The following NFIB variants were observed in gnomAD, a reference collection of about 807,000 sequenced individuals.
The protein encoded by NFIB is nuclear factor I B, also known as nuclear factor 1 B-type.
NFIB carries 11 observed loss-of-function variants against 61.5 expected under a neutral mutation model. The observed-to-expected ratio is 0.18, with a 90% CI of 0.11 to 0.30. The LOEUF (loss-of-function observed/expected upper bound fraction) is 0.30, where lower values mean the gene tolerates loss of function less well. Among genes scored for constraint, NFIB ranks in the 10% least tolerant of loss-of-function variants. The probability of loss-of-function intolerance (pLI) is 1.00; values close to 1 mark genes in which losing one functional copy is unlikely to be tolerated. For synonymous variants in NFIB, 260 were observed against 216.5 expected (o/e 1.20, Z -1.76); for missense variants, 471 against 608.9 (o/e 0.77, Z 2.38).
intron 2 of NFIB, among the ~76,000 whole-genome samples, chr9:14,227,953 T>A (rs1242931251): frequency 6.6e-6 from 1 of 152,230 alleles, no homozygotes; most frequent in African/African-American, 2.4e-5. Flanking sequence ...TTTATTTTTA[T>A]ATACTTCAAC....
chr9:14,521,360 C>T, the NFIB span, among the ~76,000 whole-genome samples: 2 of 152,054 alleles, frequency 1.3e-5, no homozygotes, highest in Non-Finnish European at 2.9e-5. Context: ...GTTCAGAAGT[C>T]CTTTGATGTC....
chr9:14,319,322 C>G (rs559168783), intron 1 of NFIB, among the ~76,000 whole-genome samples: 1 of 152,306 alleles, frequency 6.6e-6, no homozygotes, highest in South Asian at 2.1e-4. Flanking sequence ...CACTTCTCAA[C>G]AGAGATGAGG....
At chr9:14,150,902 A>G (rs1044727004) in intron 4 of NFIB, among the ~76,000 whole-genome samples, 30 of 152,234 alleles carry the variant, frequency 2.0e-4, no homozygotes, top group African/African-American at 6.7e-4. Context: ...ATTATTATGC[A>G]TTGTATGTCT....
the NFIB span, among the ~76,000 whole-genome samples, chr9:14,464,431 A>G: frequency 6.6e-6 from 1 of 152,154 alleles, no homozygotes; most frequent in Non-Finnish European, 1.5e-5. Context: ...GACGGTGCAC[A>G]TTTTCAACAT....
Position 14,219,381 on chromosome 9 carries a change from TAAA to T in NFIB, c.563-39604_563-39602del, listed in dbSNP as rs751279935. 3.2e-3 allele frequency among the ~76,000 whole-genome samples: 237 copies of T among 73,512 alleles called. 2 individuals carry two copies. Among genetic ancestry groups the T allele is most frequent in the African/African-American group, 7.5e-3 (135 of 18,000 alleles). 48.2% of individuals were successfully genotyped at this position (73,512 alleles called of 152,430 possible). On this transcript the variant is annotated intron_variant, in intron 2 of 10. Transcript: ENST00000380953. ...ATAGAGTCATCTTGTAGCACTAGGG[TAAA>T]AAAAAAAAAAAAAAAAAAAAGTCTA...
chr9:14,103,763 G>T (rs1283490325), intron 10 of NFIB, among the ~76,000 whole-genome samples: 1 of 151,906 alleles, frequency 6.6e-6, no homozygotes, highest in East Asian at 1.9e-4. Flanking sequence ...CATATTTCAG[G>T]ATTTCAAGTA....
At chr9:14,208,677 A>C (rs1318577369) in intron 2 of NFIB, among the ~76,000 whole-genome samples, 5 of 152,116 alleles carry the variant, frequency 3.3e-5, no homozygotes, top group Non-Finnish European at 7.3e-5. Flanking sequence ...ACATCCTGGA[A>C]GTTTCCCTCA....
At position 14,341,465 on chromosome 9, in the gene NFIB, A is replaced by G. The variant is rs144339476; in HGVS notation, c.109-33945T>C. Among the ~76,000 whole-genome samples, 129 of 152,318 alleles carry G rather than the reference A, an allele frequency of 8.5e-4. No homozygotes were observed. In the East Asian group the frequency reaches 0.018, roughly 22 times the overall value. On this transcript the variant is annotated intron_variant, in intron 1 of 8. Transcript: ENST00000380934. ...ATGTCATAAGTAGCAGAGGCCCTCA[A>G]TGAAAACAGGTAGGTAGTAAGACAA... is the stretch of plus-strand genomic sequence containing the variant.
chr9:14,161,794 C>T (rs1349880239), intron 3 of NFIB, among the ~76,000 whole-genome samples: 1 of 152,024 alleles, frequency 6.6e-6, no homozygotes, highest in Non-Finnish European at 1.5e-5. Flanking sequence ...CTGGAGTTCC[C>T]AGAATTAGAA....
chr9:14,343,883 A>G (rs898486736), intron 1 of NFIB, among the ~76,000 whole-genome samples: 1 of 151,988 alleles, frequency 6.6e-6, no homozygotes, highest in Non-Finnish European at 1.5e-5. Context: ...AAAGAACTGA[A>G]CATGAAGAAT....
At chr9:14,344,093 GGAGAGAGAGAGAGAAAGAGA>G (rs1030519123) in intron 1 of NFIB, among the ~76,000 whole-genome samples, 8 of 134,010 alleles carry the variant, frequency 6.0e-5, no homozygotes, top group Non-Finnish European at 9.3e-5. Context: ...TTAAAGAGAG[GGAGAGAGAGAGAGAAAGAGA>G]GAGAGAGAGA....
chr9:14,361,853 C>T (rs991010401), intron 1 of NFIB: 3 of 152,168 alleles, frequency 2.0e-5, no homozygotes, highest in Non-Finnish European at 2.9e-5. Context: ...ATAGGAAAGG[C>T]AAGGAAGCTA....
the NFIB span, among the ~76,000 whole-genome samples, chr9:14,530,030 T>TA: frequency 6.6e-6 from 1 of 152,324 alleles, no homozygotes; most frequent in South Asian, 2.1e-4. Context: ...TGGCTTACTA[T>TA]ACCCATCTTA....
chr9:14,122,213 G>T (rs1024892112), intron 7 of NFIB, among the ~76,000 whole-genome samples: 6 of 151,898 alleles, frequency 4.0e-5, no homozygotes, highest in African/African-American at 2.4e-5. Context: ...GGGATGTATT[G>T]CTTACCTCTC....
intron 2 of NFIB, among the ~76,000 whole-genome samples, chr9:14,240,340 C>G (rs1245903895): frequency 6.6e-6 from 1 of 152,074 alleles, no homozygotes; most frequent in Non-Finnish European, 1.5e-5. Context: ...CTCCAATTTC[C>G]TACCTAGTCC....
At chr9:14,360,554 T>C (rs967182549) in intron 1 of NFIB, among the ~76,000 whole-genome samples, 7 of 151,012 alleles carry the variant, frequency 4.6e-5, no homozygotes, top group African/African-American at 1.7e-4. Flanking sequence ...TTTTCTTTTT[T>C]TTTTTTTTGA....
chr9:14,139,398 A>C (rs899507745), intron 6 of NFIB, among the ~76,000 whole-genome samples: 1 of 152,192 alleles, frequency 6.6e-6, no homozygotes, highest in Non-Finnish European at 1.5e-5. Context: ...CATGAACTCA[A>C]TATGTAAAAA....
chr9:14,461,054 A>T, the NFIB span, among the ~76,000 whole-genome samples: 4 of 152,004 alleles, frequency 2.6e-5, no homozygotes, highest in African/African-American at 9.7e-5. Flanking sequence ...CAGTAATTAG[A>T]TATCAAGTCT....
the NFIB span, among the ~76,000 whole-genome samples, chr9:14,481,512 T>C: frequency 5.3e-5 from 8 of 151,868 alleles, no homozygotes; most frequent in East Asian, 5.8e-4. Flanking sequence ...TCGATGAAAA[T>C]TGAAATGATC....
Sources: allele counts gnomAD v4.1 joint callset (sites outside exome capture counted in the v4.1 genomes callset), GRCh38; gene constraint gnomAD v4.1.1; transcripts MANE v1.5; gene names NCBI Gene and HGNC (gene_info 2026-07-23, HGNC 2026-07-21).